The following NCAM2 variants were observed in gnomAD, a reference collection of about 807,000 sequenced individuals.
The protein encoded by NCAM2 is neural cell adhesion molecule 2.
Under a neutral mutation model 98.1 loss-of-function variants are expected in NCAM2, and 30 were observed. The ratio of observed to expected loss-of-function variants is 0.31; its 90% CI spans 0.23 to 0.41. The LOEUF (loss-of-function observed/expected upper bound fraction) is 0.41. Ranked by LOEUF, NCAM2 falls within the 10% of genes least tolerant of loss-of-function variation. NCAM2 has a pLI of 1.00. For missense variants in NCAM2, 867 were observed against 1,005.8 expected (o/e 0.86, Z 1.87); for synonymous variants, 368 against 342.4 (o/e 1.07, Z -0.83).
chr21:21,493,215 C>T (rs371304623), intron 15 of NCAM2, among the ~76,000 whole-genome samples: 4 of 151,766 alleles, frequency 2.6e-5, no homozygotes, highest in Non-Finnish European at 5.9e-5. Context: ...AAGCTAAAAC[C>T]TTTTAAAGCA....
intron 8 of NCAM2, among the ~76,000 whole-genome samples, chr21:21,366,125 G>C (rs987461646): frequency 6.6e-6 from 1 of 152,006 alleles, no homozygotes; most frequent in African/African-American, 2.4e-5. Flanking sequence ...AAAATATTCT[G>C]AGTTTCTTCA....
chr21:21,368,971 T>G (rs1450541569), intron 8 of NCAM2, among the ~76,000 whole-genome samples: 1 of 151,918 alleles, frequency 6.6e-6, no homozygotes, highest in African/African-American at 2.4e-5. Context: ...ACAGTGTTAT[T>G]TATGTATAAG....
At chr21:21,338,052 G>T (rs551832581) in intron 7 of NCAM2, among the ~76,000 whole-genome samples, 21 of 152,180 alleles carry the variant, frequency 1.4e-4, no homozygotes, top group African/African-American at 3.9e-4. Context: ...TTTAAAGGAA[G>T]AAATTTTGAT....
At chr21:21,049,710 A>G (rs1033413939) in intron 1 of NCAM2, among the ~76,000 whole-genome samples, 2 of 152,042 alleles carry the variant, frequency 1.3e-5, no homozygotes, top group African/African-American at 4.8e-5. Context: ...TGTCTCTACT[A>G]AAAATACAAA....
intron 1 of NCAM2, among the ~76,000 whole-genome samples, chr21:21,234,087 G>A (rs2070729752): frequency 6.6e-6 from 1 of 151,782 alleles, no homozygotes; most frequent in African/African-American, 2.4e-5. Flanking sequence ...TACTCACAGA[G>A]ATTTTACTAG....
At chr21:21,045,886 A>G (rs1177943883) in intron 1 of NCAM2, among the ~76,000 whole-genome samples, 1 of 152,206 alleles carries the variant, frequency 6.6e-6, no homozygotes, top group Admixed American at 6.5e-5. Flanking sequence ...TCTCTGACAT[A>G]TCTGATAAAC....
chr21:21,019,517 G>A (rs189603139), intron 1 of NCAM2, among the ~76,000 whole-genome samples: 209 of 152,184 alleles, frequency 1.4e-3, no homozygotes, highest in African/African-American at 4.8e-3. Context: ...AATATTAAGA[G>A]TGTTCCTTAA....
At chr21:21,169,870 A>T (rs776598182) in intron 1 of NCAM2, among the ~76,000 whole-genome samples, 1 of 152,122 alleles carries the variant, frequency 6.6e-6, no homozygotes, top group Non-Finnish European at 1.5e-5. Flanking sequence ...AGGTGGGAGG[A>T]TCGCTTGACC....
intron 1 of NCAM2, among the ~76,000 whole-genome samples, chr21:21,003,939 A>G (rs533879459): frequency 1.3e-5 from 2 of 152,288 alleles, no homozygotes; most frequent in Non-Finnish European, 2.9e-5. Flanking sequence ...AGATGGCAGT[A>G]AAAGGTTTTG....
chr21:21,488,762 T>A (rs976183876), intron 15 of NCAM2, among the ~76,000 whole-genome samples: 2 of 151,806 alleles, frequency 1.3e-5, no homozygotes, highest in African/African-American at 4.8e-5. Context: ...AAATGATCAA[T>A]TCTGGTATTA....
chr21:21,194,968 A>G (rs1283078634), intron 1 of NCAM2, among the ~76,000 whole-genome samples: 1 of 152,078 alleles, frequency 6.6e-6, no homozygotes, highest in African/African-American at 2.4e-5. Context: ...AAGAATTCAA[A>G]TTTTTTATGA....
At chr21:21,497,916 T>TTTCTCTTCATA (rs1987359381) in intron 15 of NCAM2, among the ~76,000 whole-genome samples, 1 of 152,132 alleles carries the variant, frequency 6.6e-6, no homozygotes, top group African/African-American at 2.4e-5. Context: ...TGAAAATTGT[T>TTTCTCTTCATA]GATGAATTTT....
rs762082223 is a variant in NCAM2, at chr21:21,534,658, T to C, written c.2402+2T>C. 2 of 1,606,006 alleles carry C rather than the reference T, an allele frequency of 1.2e-6. No homozygotes were observed. The highest frequency in any genetic ancestry group is 1.1e-5 in the South Asian group (1 of 89,992). On this transcript the variant is annotated splice_donor_variant, in intron 17 of 17. Coordinates refer to ENST00000400546, the MANE Select transcript of NCAM2 (RefSeq NM_004540.5). LOFTEE classifies it high-confidence loss of function. ...AACCACACCACTGACAGAACCTGAG[T>C]ATGTGGCTTGGAGTGCTCACTTATG... is the stretch of plus-strand genomic sequence containing the variant.
At chr21:21,010,763 A>C (rs1466385502) in intron 1 of NCAM2, among the ~76,000 whole-genome samples, 2 of 152,074 alleles carry the variant, frequency 1.3e-5, no homozygotes, top group African/African-American at 2.4e-5. Context: ...ATGGATGTGG[A>C]TGTGTGATGG....
chr21:21,488,964 T>C (rs1986622994), intron 15 of NCAM2, among the ~76,000 whole-genome samples: 1 of 151,958 alleles, frequency 6.6e-6, no homozygotes, highest in Non-Finnish European at 1.5e-5. Flanking sequence ...AATTATGTTT[T>C]CTTTTTCTAT....
At chr21:21,479,567 G>T (rs903346487) in intron 15 of NCAM2, among the ~76,000 whole-genome samples, 1 of 74,730 alleles carries the variant, frequency 1.3e-5, no homozygotes, top group Non-Finnish European at 3.1e-5. Context: ...CTGGGAGACA[G>T]AGCGAGACTG....
chr21:21,007,796 A>G (rs868806139), intron 1 of NCAM2, among the ~76,000 whole-genome samples: 2 of 152,094 alleles, frequency 1.3e-5, no homozygotes, highest in Admixed American at 1.3e-4. Flanking sequence ...TATGACCTGT[A>G]TCTCGTGCCA....
At chr21:21,068,163 G>A (rs1462825864) in intron 1 of NCAM2, among the ~76,000 whole-genome samples, 3 of 125,054 alleles carry the variant, frequency 2.4e-5, no homozygotes, top group African/African-American at 9.1e-5. Context: ...TTGAGACGGA[G>A]TCTTGCTCTG....
chr21:21,307,518 A>G (rs921821743), intron 5 of NCAM2, among the ~76,000 whole-genome samples: 1 of 152,162 alleles, frequency 6.6e-6, no homozygotes, highest in Non-Finnish European at 1.5e-5. Flanking sequence ...GGATCTGCTC[A>G]GTATATTATA....
Sources: allele counts gnomAD v4.1 joint callset (sites outside exome capture counted in the v4.1 genomes callset), GRCh38; gene constraint gnomAD v4.1.1; transcripts MANE v1.5; gene names NCBI Gene and HGNC (gene_info 2026-07-23, HGNC 2026-07-21).